The following KNOP1 variants were observed in gnomAD, a reference collection of about 807,000 sequenced individuals.
The protein encoded by KNOP1 is lysine-rich nucleolar protein 1.
A neutral mutation model predicts 30.6 loss-of-function variants in KNOP1; 20 were observed. The ratio of observed to expected loss-of-function variants is 0.65; its 90% CI spans 0.46 to 0.95. KNOP1 has a LOEUF of 0.95. KNOP1 is among the 40% of genes least tolerant of loss of function. The pLI is 0.00. For missense variants in KNOP1, 540 were observed against 562.0 expected, an observed-to-expected ratio of 0.96 and a Z score of 0.40; for synonymous variants, 204 against 210.0, an observed-to-expected ratio of 0.97 and a Z score of 0.25.
chr16:19,711,511 G>C, intron 2 of KNOP1, 71 bp from the exon 3 acceptor site: 1 of 1,468,140 alleles, frequency 6.8e-7, no homozygotes, highest in Non-Finnish European at 9.5e-7. Flanking sequence ...CACCCAGCCA[G>C]GGTGAGACCA....
chr16:19,711,519 C>A lies in KNOP1; in HGVS notation c.919-79G>T, dbSNP rs1976721455. Reference sequence around the variant, plus strand: ...GCCTCTGCACCCAGCCAGGGTGAGACCATGACAAAGTCCAGAAAAGACCTC... The same window carrying A: ...GCCTCTGCACCCAGCCAGGGTGAGAACATGACAAAGTCCAGAAAAGACCTC... On this transcript the variant is annotated intron_variant, in intron 2 of 4. Coordinates refer to ENST00000219837, the MANE Select transcript of KNOP1 (RefSeq NM_001012991.3). 47 of 1,423,370 alleles carry A rather than the reference C, an allele frequency of 3.3e-5. 1 individual carries two copies. The South Asian group carries it at 5.1e-4, about 15-fold the overall frequency. 88.2% of individuals were successfully genotyped at this position (1,423,370 alleles called of 1,614,324 possible). A position where few individuals can be genotyped will look rare whatever the true frequency, so the allele number is the denominator to read the frequency against.
At position 19,705,277 on chromosome 16, in the gene KNOP1, C is replaced by T; in HGVS notation, c.*1633G>A. ...AGACTGAACTTTCTGGCCATCGAGG[C>T]CTGCCTGGGCTGGGATGTCTGTAGG... On this transcript the variant is annotated 3_prime_UTR_variant, in exon 5 of 5. Transcript: ENST00000219837. 2.2e-6 allele frequency: 1 copy of T among 455,984 alleles called. No homozygotes were observed. The highest frequency in any genetic ancestry group is 1.5e-5 in the South Asian group (1 of 64,542). The allele number at this position is 455,984 out of a possible 1,614,324, so 28.2% of individuals were successfully genotyped here.
intron 3 of KNOP1, among the ~76,000 whole-genome samples, chr16:19,711,039 G>C (rs1281334429): frequency 1.3e-5 from 2 of 152,182 alleles, no homozygotes; most frequent in East Asian, 3.9e-4. Flanking sequence ...TCCTCTAAAT[G>C]CTCCTGAATT....
At chr16:19,715,075 C>T in intron 1 of KNOP1, 38 bp from the exon 2 acceptor site, 1 of 1,447,012 alleles carries the variant, frequency 6.9e-7, no homozygotes. Context: ...CCATACCAAG[C>T]CATCCTGTGT....
intron 4 of KNOP1, among the ~76,000 whole-genome samples, chr16:19,709,502 C>T (rs1166693375): frequency 6.6e-6 from 1 of 152,192 alleles, no homozygotes; most frequent in Non-Finnish European, 1.5e-5. Context: ...GAGTCAATGC[C>T]CTCCAGCCAA....
In KNOP1 at chr16:19,707,094, G is replaced by A. The variant is rs546877998; in HGVS notation, c.1193C>T (p.Ala398Val). 3.7e-6 allele frequency: 6 copies of A among 1,614,186 alleles called. No individual in the cohort carries two copies. The highest frequency in any genetic ancestry group is 2.7e-5 in the African/African-American group (2 of 75,066). Residue 398 changes from alanine to valine, a missense_variant, in exon 5 of 5, where the codon GCA becomes GTA. By Grantham distance (64) the Ala-to-Val change is moderately conservative (BLOSUM62 0). Coordinates refer to ENST00000219837, the MANE Select transcript of KNOP1 (RefSeq NM_001012991.3). ...CTTGCCGAGGGCCATGTTGGGCCTTGCAATCGTGCTGGCGGGGCGGCTGAA... is the reference window on the plus strand; with the variant it reads ...CTTGCCGAGGGCCATGTTGGGCCTTACAATCGTGCTGGCGGGGCGGCTGAA... ...PSFSRPASTI[A>V]RPNMALGKKA...
Position 19,714,219 on chromosome 16 carries a change from T to C in KNOP1, c.817A>G (p.Lys273Glu), listed in dbSNP as rs771227487. The change falls in exon 2 of 5, where the codon AAA becomes GAA. Residue 273 changes from lysine to glutamate, a missense_variant. Physicochemically the swap from Lys to Glu is moderately conservative, Grantham distance 56. Transcript: ENST00000219837. ...KASAKKKMKS[K>E]KKVEQPVIEE... Reference sequence around the variant, plus strand: ...ATGACTGGCTGCTCTACCTTCTTTTTGGACTTCATCTTTTTCTTTGCGGAG... The same window carrying C: ...ATGACTGGCTGCTCTACCTTCTTTTCGGACTTCATCTTTTTCTTTGCGGAG... The C allele has an allele frequency of 6.2e-7, 1 of 1,614,156 alleles. No homozygotes were observed. Among genetic ancestry groups the C allele is most frequent in the South Asian group, 1.1e-5 (1 of 91,074 alleles).
intron 2 of KNOP1, 95 bp downstream of exon 2, chr16:19,714,023 G>A (rs972749317): frequency 4.7e-6 from 5 of 1,064,874 alleles, no homozygotes; most frequent in African/African-American, 1.6e-5. Flanking sequence ...ATGAGTACTC[G>A]TGCATGTACA....
intron 4 of KNOP1, among the ~76,000 whole-genome samples, chr16:19,707,666 T>G: frequency 7.2e-5 from 1 of 13,904 alleles, no homozygotes; most frequent in East Asian, 3.1e-3. Context: ...GCACCTCCCC[T>G]CCCCCACCTC....
rs948843872 is a variant in KNOP1 at position 19,706,939 on chromosome 16, C to T, written c.1348G>A (p.Ala450Thr). ...PNKIFYIDRN[A>T]SKSVKLED ...TCTTCCAGCTTGACTGACTTGGAAG[C>T]GTTCCTGTCAATGTAAAAGATCTTG... The change falls in exon 5 of 5, where the codon GCT (alanine) becomes ACT (threonine). Residue 450 changes from alanine to threonine, a missense_variant. Coordinates refer to ENST00000219837, the MANE Select transcript of KNOP1 (RefSeq NM_001012991.3). The T allele has an allele frequency of 6.2e-6, 10 of 1,612,654 alleles. No homozygotes were observed. The highest frequency in any genetic ancestry group is 3.3e-5 in the Admixed American group (2 of 59,968).
In KNOP1 at chr16:19,714,747, G is replaced by A; in HGVS notation, c.289C>T (p.Pro97Ser). ...TLPARRTEKS[P>S]SLRKQVFGHL... ...CCAAACACCTGCTTCCTGAGGCTGG[G>A]TGACTTCTCTGTCCGTCTAGCAGGC... The change falls in exon 2 of 5, where the codon CCC (proline) becomes TCC (serine). Residue 97 changes from proline (P) to serine (S), a missense_variant. Transcript: ENST00000219837. The A allele has an allele frequency of 6.2e-7, 1 of 1,614,130 alleles. No homozygotes were observed. Among genetic ancestry groups the A allele is most frequent in the Non-Finnish European group, 8.5e-7 (1 of 1,180,042 alleles).
intron 1 of KNOP1, 199 bp downstream of exon 1, chr16:19,717,959 G>T: frequency 8.0e-7 from 1 of 1,245,024 alleles, no homozygotes; most frequent in Non-Finnish European, 1.0e-6. Context: ...GGGATTACGT[G>T]GGGTCCCAGG....
chr16:19,714,422 G>A lies in KNOP1; in HGVS notation c.614C>T (p.Pro205Leu). The change falls in exon 2 of 5, where the codon CCC becomes CTC. Residue 205 changes from proline (P) to leucine (L), a missense_variant. Physicochemically the swap from Pro to Leu is moderately conservative, Grantham distance 98. Coordinates refer to ENST00000219837, the MANE Select transcript of KNOP1 (RefSeq NM_001012991.3). ...ALGQKRKRKS[P>L]REHNGKVKKK... is the part of the protein sequence containing the mutation. ...CTTCACCTTCCCATTGTGTTCTCTG[G>A]GGCTCTTCCGCTTCCGTTTCTGCCC... The A allele has an allele frequency of 1.2e-6, 2 of 1,613,568 alleles. No individual in the cohort carries two copies. Among genetic ancestry groups the A allele is most frequent in the East Asian group, 2.2e-5 (1 of 44,852 alleles).
Position 19,714,208 on chromosome 16 carries a change from T to C in KNOP1, c.828A>G (p.Val276=), listed in dbSNP as rs748164458. ...AKKKMKSKKK[V]EQPVIEEPAL... ...CTGGCTCCTCGATGACTGGCTGCTCTACCTTCTTTTTGGACTTCATCTTTT... is the reference window on the plus strand; with the variant it reads ...CTGGCTCCTCGATGACTGGCTGCTCCACCTTCTTTTTGGACTTCATCTTTT... The change falls in exon 2 of 5, where the codon GTA becomes GTG. Residue 276 remains valine (V), a synonymous_variant. Coordinates refer to ENST00000219837, the MANE Select transcript of KNOP1 (RefSeq NM_001012991.3). 6.2e-7 allele frequency: 1 copy of C among 1,614,156 alleles called. No homozygotes were observed. The highest frequency in any genetic ancestry group is 2.2e-5 in the East Asian group (1 of 44,870).
At chr16:19,713,997 G>C in intron 2 of KNOP1, 121 bp downstream of exon 2, 3 of 865,956 alleles carry the variant, frequency 3.5e-6, no homozygotes, top group Non-Finnish European at 5.4e-6. Context: ...ATTTAACCAG[G>C]GTTTTAGCTA....
Position 19,705,617 on chromosome 16 carries a change from G to A in KNOP1, c.*1293C>T. The A allele has an allele frequency of 1.2e-5, 3 of 245,260 alleles. 1 individual carries two copies. The highest frequency in any genetic ancestry group is 1.1e-4 in the South Asian group (2 of 18,896). The allele number at this position is 245,260 out of a possible 1,614,324, so 15.2% of individuals were successfully genotyped here. A position where few individuals can be genotyped will look rare whatever the true frequency, so the allele number is the denominator to read the frequency against. On this transcript the variant is annotated 3_prime_UTR_variant, in exon 5 of 5. Transcript: ENST00000219837. ...CTCATCAGACACATCCCTGGGGCTG[G>A]GCACAGTGGCTCACACCTGTGATCC...
chr16:19,708,383 C>T (rs1597462280), intron 4 of KNOP1, among the ~76,000 whole-genome samples: 2 of 152,110 alleles, frequency 1.3e-5, no homozygotes, highest in Admixed American at 6.5e-5. Flanking sequence ...GACTGTGACT[C>T]GGAAGTCAGG....
At chr16:19,717,886 G>A in intron 1 of KNOP1, 3 of 1,059,522 alleles carry the variant, frequency 2.8e-6, no homozygotes, top group Non-Finnish European at 3.4e-6. Flanking sequence ...GCGGGAGCCA[G>A]GAAGTAAGAT....
chr16:19,707,126 G>A lies in KNOP1; in HGVS notation c.1161C>T (p.Ser387=), dbSNP rs1293974561. 6.2e-7 allele frequency: 1 copy of A among 1,614,096 alleles called. No homozygotes were observed. Among genetic ancestry groups the A allele is most frequent in the Admixed American group, 1.7e-5 (1 of 60,002 alleles). ...TGCTGGCGGGGCGGCTGAACGAAGGGGACAGGTTTTTGAAGCCACCCATAA... is the reference window on the plus strand; with the variant it reads ...TGCTGGCGGGGCGGCTGAACGAAGGAGACAGGTTTTTGAAGCCACCCATAA... ...LRLMGGFKNL[S]PSFSRPASTI... The change falls in exon 5 of 5, where the codon TCC becomes TCT. Residue 387 remains serine, a synonymous_variant. Coordinates refer to ENST00000219837, the MANE Select transcript of KNOP1 (RefSeq NM_001012991.3).
Sources: allele counts gnomAD v4.1 joint callset (sites outside exome capture counted in the v4.1 genomes callset), GRCh38; gene constraint gnomAD v4.1.1; transcripts MANE v1.5; gene names NCBI Gene and HGNC (gene_info 2026-07-23, HGNC 2026-07-21).